The following SVEP1 variants were observed in gnomAD, a reference collection of about 807,000 sequenced individuals.
SVEP1 encodes sushi, von Willebrand factor type A, EGF and pentraxin domain containing 1.
A neutral mutation model predicts 367.3 loss-of-function variants in SVEP1; 164 were observed. That is an observed-to-expected ratio of 0.45 (90% CI 0.39 to 0.51). The LOEUF is 0.51. Among genes scored for constraint, SVEP1 ranks in the 20% least tolerant of loss-of-function variants. SVEP1 has a pLI of 0.00. For synonymous variants in SVEP1, 1,666 were observed against 1,611.6 expected (o/e 1.03, Z -0.81); for missense variants, 4,117 against 4,425.3 (o/e 0.93, Z 1.98).
chr9:110,389,629 C>CAATAGAAAGATA, intron 40 of SVEP1, 42 bp from the exon 41 acceptor site: 1 of 1,605,010 alleles, frequency 6.2e-7, no homozygotes, highest in Non-Finnish European at 8.5e-7. Flanking sequence ...CATAACTCTA[C>CAATAGAAAGATA]AATAGAAAGA....
rs1010281151 is a variant in SVEP1 at position 110,401,067 on chromosome 9, G to A, written c.9667-58C>T. On this transcript the variant is annotated intron_variant, in intron 39 of 47. Transcript: ENST00000374469. The stretch of plus-strand genomic sequence containing the variant: ...TTAGAAGTTAATACATATGAATGAA[G>A]AAATTTGCAAATATTGGTTATTTGC... The A allele has an allele frequency of 8.2e-6, 13 of 1,582,922 alleles. No homozygotes were observed. The Admixed American group carries it at 1.7e-4, about 21-fold the overall frequency.
intron 25 of SVEP1, 114 bp downstream of exon 25, chr9:110,446,786 T>C: frequency 6.9e-6 from 6 of 864,936 alleles, no homozygotes; most frequent in Non-Finnish European, 9.7e-6. Flanking sequence ...GAGTACAAAG[T>C]GCTTGGCATC....
intron 36 of SVEP1, among the ~76,000 whole-genome samples, chr9:110,413,869 G>A (rs1828080620): frequency 6.6e-6 from 1 of 151,984 alleles, no homozygotes; most frequent in South Asian, 2.1e-4. Flanking sequence ...CTAATGAAGG[G>A]TAAGGGAAAT....
At chr9:110,393,824 T>C (rs1053839478) in intron 40 of SVEP1, among the ~76,000 whole-genome samples, 5 of 152,246 alleles carry the variant, frequency 3.3e-5, no homozygotes, top group African/African-American at 1.2e-4. Context: ...GTGCCCACCA[T>C]TGCCGAGACT....
chr9:110,526,087 G>A (rs184004848), intron 3 of SVEP1, among the ~76,000 whole-genome samples: 15 of 152,106 alleles, frequency 9.9e-5, no homozygotes, highest in East Asian at 3.9e-4. Context: ...AACACTTTTC[G>A]AAACATAGGA....
chr9:110,565,186 G>A (rs575502085), intron 1 of SVEP1, among the ~76,000 whole-genome samples: 1 of 152,256 alleles, frequency 6.6e-6, no homozygotes, highest in East Asian at 1.9e-4. Context: ...GAAAAGAATA[G>A]GAATGTTATG....
chr9:110,412,943 G>T (rs1828065197), intron 36 of SVEP1, among the ~76,000 whole-genome samples: 1 of 151,004 alleles, frequency 6.6e-6, no homozygotes, highest in East Asian at 2.0e-4. Context: ...ACTGTTGGTG[G>T]GACTGTAAAC....
chr9:110,383,317 C>T (rs1469489534), intron 43 of SVEP1, among the ~76,000 whole-genome samples: 2 of 152,154 alleles, frequency 1.3e-5, no homozygotes, highest in African/African-American at 2.4e-5. Context: ...ACAGTCAGGC[C>T]CCTCTTTTGT....
chr9:110,406,598 G>A lies in SVEP1; in HGVS notation c.9002C>T (p.Ser3001Phe). ...SNGSWSGSSP[S>F]CLPCRCSTPV... ...TGTGGAACATCTGCAAGGCAGGCAGGAAGGTGAGCTGCCACTCCAGGAGCC... is the reference window on the plus strand; with the variant it reads ...TGTGGAACATCTGCAAGGCAGGCAGAAAGGTGAGCTGCCACTCCAGGAGCC... The change falls in exon 38 of 48, where the codon TCC becomes TTC. Residue 3001 changes from serine (S) to phenylalanine (F), a missense_variant. Physicochemically the swap from Ser to Phe is radical, Grantham distance 155. Around this residue, in one of 4 missense-constraint regions of SVEP1, gnomAD observed 1,765 missense variants for 1,781.1 expected, o/e 0.99. Coordinates refer to ENST00000374469, the MANE Select transcript of SVEP1 (RefSeq NM_153366.4). 6.2e-7 allele frequency: 1 copy of A among 1,613,878 alleles called. No individual in the cohort carries two copies. Among genetic ancestry groups the A allele is most frequent in the South Asian group, 1.1e-5 (1 of 91,082 alleles).
At chr9:110,569,493 G>A (rs1354495799) in intron 1 of SVEP1, among the ~76,000 whole-genome samples, 1 of 151,580 alleles carries the variant, frequency 6.6e-6, no homozygotes, top group Non-Finnish European at 1.5e-5. Flanking sequence ...TATTGGGGCT[G>A]TTTCAGAGAA....
At chr9:110,403,383 C>T (rs1440887337) in intron 39 of SVEP1, among the ~76,000 whole-genome samples, 1 of 134,970 alleles carries the variant, frequency 7.4e-6, no homozygotes, top group African/African-American at 2.8e-5. Context: ...CGGTTCACTG[C>T]AACCTCCGCA....
intron 46 of SVEP1, among the ~76,000 whole-genome samples, chr9:110,372,507 G>T (rs929306676): frequency 6.6e-6 from 1 of 152,168 alleles, no homozygotes; most frequent in East Asian, 1.9e-4. Flanking sequence ...GAGAGCTAAG[G>T]TGTTAAAAGA....
rs872665 is a variant in SVEP1 at position 110,499,203 on chromosome 9, C to T, written c.1519G>A (p.Val507Ile). The T allele has an allele frequency of 0.25, 402,084 of 1,612,346 alleles. 51,528 individuals carry two copies. The highest frequency in any genetic ancestry group is 0.38 in the Middle Eastern group (2,332 of 6,060). Residue 507 changes from valine to isoleucine, a missense_variant, in exon 7 of 48, where the codon GTC becomes ATC. Val to Ile is a conservative substitution (Grantham distance 29). This residue lies in a region of SVEP1 where 2,174 missense variants were observed against 2,494.3 expected (regional missense o/e 0.87). Transcript: ENST00000374469. ...HCSTFQMPKD[V>I]IISPHNCGKQ... ...CCACAGTTGTGGGGGGATATGATGACATCTTTGGGCATCTGAAAGGTGGAA... is the reference window on the plus strand; with the variant it reads ...CCACAGTTGTGGGGGGATATGATGATATCTTTGGGCATCTGAAAGGTGGAA...
intron 15 of SVEP1, 99 bp from the exon 16 acceptor site, chr9:110,471,696 T>C (rs1004133860): frequency 8.4e-6 from 7 of 828,870 alleles, no homozygotes; most frequent in Admixed American, 2.9e-5. Context: ...TAAAATCTTT[T>C]AGTACTAATA....
intron 3 of SVEP1, among the ~76,000 whole-genome samples, chr9:110,533,074 T>C (rs1830039985): frequency 1.3e-5 from 2 of 152,124 alleles, no homozygotes; most frequent in African/African-American, 4.8e-5. Context: ...TTCACTCTCC[T>C]ATGAGAATCT....
intron 3 of SVEP1, among the ~76,000 whole-genome samples, chr9:110,522,666 A>T (rs1271340101): frequency 6.6e-6 from 1 of 152,140 alleles, no homozygotes; most frequent in Non-Finnish European, 1.5e-5. Context: ...AGGAAGGAGG[A>T]AAGATTCTGA....
At position 110,512,922 on chromosome 9, in the gene SVEP1, A is replaced by G. The variant is rs376840026; in HGVS notation, c.1303+4T>C. The G allele has an allele frequency of 5.0e-6, 8 of 1,613,876 alleles. No individual in the cohort carries two copies. In the Middle Eastern group the frequency reaches 4.9e-4, roughly 99 times the overall value. ...TAAACAATGTAAATTGGCAGTTTGC[A>G]TACCTCTGCAGTAGCTCTCTGAACC... On this transcript the variant is annotated splice_donor_region_variant and intron_variant, in intron 5 of 47. Coordinates refer to ENST00000374469, the MANE Select transcript of SVEP1 (RefSeq NM_153366.4).
chr9:110,540,520 G>C (rs908364605), intron 3 of SVEP1, among the ~76,000 whole-genome samples: 7 of 151,980 alleles, frequency 4.6e-5, no homozygotes, highest in African/African-American at 1.7e-4. Context: ...GAAAAGTATT[G>C]ATATCTGGGT....
intron 1 of SVEP1, among the ~76,000 whole-genome samples, chr9:110,561,111 C>T (rs10980443): frequency 0.11 from 16,121 of 152,132 alleles, 1,035 homozygotes; most frequent in East Asian, 0.31. Flanking sequence ...CCCAACCCCA[C>T]TTTTGCACTC....
Sources: allele counts gnomAD v4.1 joint callset (sites outside exome capture counted in the v4.1 genomes callset), GRCh38; gene constraint gnomAD v4.1.1; regional missense constraint gnomAD v4.1.1; transcripts MANE v1.5; gene names NCBI Gene and HGNC (gene_info 2026-07-23, HGNC 2026-07-21).